The following CASKIN2 variants were observed in gnomAD, a reference collection of about 807,000 sequenced individuals.
The protein encoded by CASKIN2 is caskin-2.
Under a neutral mutation model 107.1 loss-of-function variants are expected in CASKIN2, and 41 were observed. The ratio of observed to expected loss-of-function variants is 0.38; its 90% CI spans 0.30 to 0.50. The LOEUF (loss-of-function observed/expected upper bound fraction) is 0.50, where lower values mean the gene tolerates loss of function less well. Among genes scored for constraint, CASKIN2 ranks in the 20% least tolerant of loss-of-function variants. The probability of loss-of-function intolerance (pLI) is 0.92; values close to 1 mark genes in which losing one functional copy is unlikely to be tolerated. For synonymous variants in CASKIN2, 724 were observed against 705.6 expected (o/e 1.03, Z -0.41); for missense variants, 1,546 against 1,657.4 (o/e 0.93, Z 1.17).
rs529146648 is a variant in CASKIN2, at chr17:75,506,492, C to T, written c.618-79G>A. ...TGCTGGGGGCCTGGGAGATGGAGAGCCCGGGTGAAAAGGGCAGTGGGGGAG... is the reference window on the plus strand; with the variant it reads ...TGCTGGGGGCCTGGGAGATGGAGAGTCCGGGTGAAAAGGGCAGTGGGGGAG... On this transcript the variant is annotated intron_variant, in intron 7 of 19. Coordinates refer to ENST00000321617, the MANE Select transcript of CASKIN2 (RefSeq NM_020753.5). This position sits in a 1 kb window ranked among gnomAD's most constrained non-coding sequence, Gnocchi z 4.8. The T allele has an allele frequency of 6.3e-6, 10 of 1,591,388 alleles. No homozygotes were observed. The East Asian group carries it at 2.2e-4, about 36-fold the overall frequency.
rs143966283 is a variant in CASKIN2, at chr17:75,503,900, A to G, written c.1530T>C (p.Phe510=). The change falls in exon 15 of 20, where the codon TTT becomes TTC. Residue 510 remains phenylalanine, a synonymous_variant. Coordinates refer to ENST00000321617, the MANE Select transcript of CASKIN2 (RefSeq NM_020753.5). ...TAGGCACATCATAGCCGGCCTGCAG[A>G]AAGTGGGCAGTGTAGCCCTCCAGCT... The part of the protein sequence containing the change: ...EFQLEGYTAH[F]LQAGYDVPTI... 6.8e-5 allele frequency: 110 copies of G among 1,612,830 alleles called. No individual in the cohort carries two copies. The African/African-American group carries it at 1.1e-3, about 15-fold the overall frequency.
chr17:75,503,881 C>A lies in CASKIN2; in HGVS notation c.1549G>T (p.Val517Leu), dbSNP rs760122361. The A allele has an allele frequency of 1.6e-5, 25 of 1,612,684 alleles. No homozygotes were observed. In the South Asian group the frequency reaches 2.7e-4, roughly 18 times the overall value. The part of the protein sequence containing the change: ...TAHFLQAGYD[V>L]PTISRMTPED... Reference sequence around the variant, plus strand: ...GGTGTCATGCGGCTGATGGTAGGCACATCATAGCCGGCCTGCAGAAAGTGG... The same window carrying A: ...GGTGTCATGCGGCTGATGGTAGGCAAATCATAGCCGGCCTGCAGAAAGTGG... Residue 517 changes from valine (V) to leucine (L), a missense_variant, in exon 15 of 20, where the codon GTG becomes TTG. This residue lies in a region of CASKIN2 where 1,311 missense variants were observed against 1,311.0 expected (regional missense o/e 1.00). Transcript: ENST00000321617.
chr17:75,506,732 A>G lies in CASKIN2; in HGVS notation c.487-19T>C. ...GGGCCACCTGCAGCACCCAGTGCCC[A>G]GTTAGAGCCTCCTCCTGAGACCCTG... On this transcript the variant is annotated intron_variant, in intron 6 of 19. Coordinates refer to ENST00000321617, the MANE Select transcript of CASKIN2 (RefSeq NM_020753.5). This position sits in a 1 kb window ranked among gnomAD's most constrained non-coding sequence, Gnocchi z 4.8. The G allele has an allele frequency of 6.2e-7, 1 of 1,613,606 alleles. No homozygotes were observed. The highest frequency in any genetic ancestry group is 8.5e-7 in the Non-Finnish European group (1 of 1,179,956).
In CASKIN2 at chr17:75,500,501, A is replaced by G. The variant is rs2053160114; in HGVS notation, c.*579T>C. ...TAACATTTACAATTGAAAAGTTAGG[A>G]CTTGTGGGATCTGTTAACCCCACTG... On this transcript the variant is annotated 3_prime_UTR_variant, in exon 20 of 20. Coordinates refer to ENST00000321617, the MANE Select transcript of CASKIN2 (RefSeq NM_020753.5). The G allele has an allele frequency of 6.5e-6, 1 of 153,924 alleles. No individual in the cohort carries two copies. Among genetic ancestry groups the G allele is most frequent in the Admixed American group, 6.4e-5 (1 of 15,688 alleles). 9.5% of individuals were successfully genotyped at this position (153,924 alleles called of 1,614,324 possible). A position where few individuals can be genotyped will look rare whatever the true frequency, so the allele number is the denominator to read the frequency against.
At chr17:75,501,333 A>G (rs1156681732) in intron 19 of CASKIN2, 135 bp downstream of exon 19, 2 of 1,207,688 alleles carry the variant, frequency 1.7e-6, no homozygotes, top group Admixed American at 4.3e-5. Flanking sequence ...GATCTAGGTG[A>G]TTTCAACACC....
chr17:75,509,781 T>G, intron 2 of CASKIN2: 1 of 985,566 alleles, frequency 1.0e-6, no homozygotes, highest in Non-Finnish European at 1.2e-6. Flanking sequence ...CAGAGCACCC[T>G]TCAAGCTGCC....
chr17:75,501,244 C>T, intron 19 of CASKIN2, 74 bp from the exon 20 acceptor site: 1 of 1,382,016 alleles, frequency 7.2e-7, no homozygotes, highest in Non-Finnish European at 9.9e-7. Context: ...AGGGAGCTGT[C>T]ATAGCTCCCA....
chr17:75,505,977 C>T lies in CASKIN2; in HGVS notation c.727-48G>A. 1 of 1,513,434 alleles carries T rather than the reference C, an allele frequency of 6.6e-7. No homozygotes were observed. 93.8% of individuals were successfully genotyped at this position (1,513,434 alleles called of 1,614,324 possible). A position where few individuals can be genotyped will look rare whatever the true frequency, so the allele number is the denominator to read the frequency against. On this transcript the variant is annotated intron_variant, in intron 8 of 19. Transcript: ENST00000321617. This position sits in a 1 kb window ranked among gnomAD's most constrained non-coding sequence, Gnocchi z 5.1. ...GCACACGCTAAGCACTTTGACACCC[C>T]TCACCCGATTCTCTCAGCTACCCGG...
chr17:75,505,691 C>T lies in CASKIN2; in HGVS notation c.836-40G>A. On this transcript the variant is annotated intron_variant, in intron 9 of 19. Coordinates refer to ENST00000321617, the MANE Select transcript of CASKIN2 (RefSeq NM_020753.5). The surrounding 1 kb of genome is among the most constrained non-coding windows in gnomAD (Gnocchi z 5.1). ...TGGGGGACAGGTGTCATCTAAGGGT[C>T]CTTAGGGCATCTTCCCACCCCTCAT... 6.3e-7 allele frequency: 1 copy of T among 1,588,358 alleles called. No individual in the cohort carries two copies. Among genetic ancestry groups the T allele is most frequent in the Non-Finnish European group, 8.6e-7 (1 of 1,160,214 alleles).
chr17:75,503,051 C>A lies in CASKIN2; in HGVS notation c.2023G>T (p.Glu675Ter). The A allele has an allele frequency of 6.2e-7, 1 of 1,607,268 alleles. No individual in the cohort carries two copies. The part of the protein sequence containing the change: ...LTFQGSELSP[E>*]LQAAMAGGGP... Reference sequence around the variant, plus strand: ...CCCCCTGCCATGGCCGCCTGTAGCTCTGGGCTTAGTTCGCTGCCCTGGAAG... The same window carrying A: ...CCCCCTGCCATGGCCGCCTGTAGCTATGGGCTTAGTTCGCTGCCCTGGAAG... The change falls in exon 18 of 20, where the codon GAG becomes TAG. Residue 675 changes from glutamate to a stop codon, truncating the protein, a stop_gained. Coordinates refer to ENST00000321617, the MANE Select transcript of CASKIN2 (RefSeq NM_020753.5). LOFTEE classifies it high-confidence loss of function.
In CASKIN2 at chr17:75,503,414, C is replaced by T. The variant is rs768772700; in HGVS notation, c.1794G>A (p.Leu598=). The change falls in exon 17 of 20, where the codon CTG becomes CTA. Residue 598 remains leucine, a synonymous_variant. Transcript: ENST00000321617. The part of the protein sequence containing the change: ...GLVADLTWEE[L]QEIGVNKLGH... ...CGAGCTTGTTGACCCCAATCTCCTG[C>T]AGCTCCTCCCAGGTGAGGTCGGCCA... 15 of 1,612,740 alleles carry T rather than the reference C, an allele frequency of 9.3e-6. No individual in the cohort carries two copies. In the South Asian group the frequency reaches 1.5e-4, roughly 17 times the overall value.
In CASKIN2 at chr17:75,507,874, C is replaced by T. The variant is rs543196557; in HGVS notation, c.147-193G>A. The T allele has an allele frequency of 6.0e-5, 35 of 585,076 alleles. No individual in the cohort carries two copies. The East Asian group carries it at 9.5e-4, about 16-fold the overall frequency. The allele number at this position is 585,076 out of a possible 1,614,324, so 36.2% of individuals were successfully genotyped here. The stretch of plus-strand genomic sequence containing the variant: ...AGGGCTCAGTGTCTGCACTGAGAGG[C>T]CCGTTTGTCTCGCCCCCCCGCCTCC... On this transcript the variant is annotated intron_variant, in intron 3 of 19. Transcript: ENST00000321617.
intron 2 of CASKIN2, 112 bp from the exon 3 acceptor site, chr17:75,508,397 G>A (rs1056505404): frequency 8.6e-7 from 1 of 1,167,130 alleles, no homozygotes; most frequent in East Asian, 2.6e-5. Context: ...GAAAGCACCT[G>A]CCCCATGGCC....
rs567553283 is a variant in CASKIN2 at position 75,506,353 on chromosome 17, G to A, written c.678C>T (p.His226=). The change falls in exon 8 of 20, where the codon CAC becomes CAT. Residue 226 remains histidine (H), a synonymous_variant. Transcript: ENST00000321617. This position sits in a 1 kb window ranked among gnomAD's most constrained non-coding sequence, Gnocchi z 4.8. ...CGGTCTTGCCATACAGTGCGGCCTCGTGGAGCGCCGTACCCGTCTTGGTCT... is the reference window on the plus strand; with the variant it reads ...CGGTCTTGCCATACAGTGCGGCCTCATGGAGCGCCGTACCCGTCTTGGTCT... ...NRQTKTGTAL[H]EAALYGKTEV... is the part of the protein sequence containing the mutation. 15 of 1,611,970 alleles carry A rather than the reference G, an allele frequency of 9.3e-6. No individual in the cohort carries two copies. Among genetic ancestry groups the A allele is most frequent in the African/African-American group, 5.3e-5 (4 of 74,996 alleles).
rs1567996419 is a variant in CASKIN2 at position 75,507,270 on chromosome 17, TAGG to T, written c.245-144_245-142del. On this transcript the variant is annotated intron_variant, in intron 4 of 19. Transcript: ENST00000321617. The stretch of plus-strand genomic sequence containing the variant: ...AATGCTGGCTCTATCCAGGTGTGCT[TAGG>T]AAGAGGTTCGGCTCGACAGGGCTGA... 4.9e-6 allele frequency: 5 copies of T among 1,021,096 alleles called. No individual in the cohort carries two copies. The Admixed American group carries it at 1.4e-4, about 29-fold the overall frequency. The allele number at this position is 1,021,096 out of a possible 1,614,324, so 63.3% of individuals were successfully genotyped here.
Position 75,506,487 on chromosome 17 carries a change from G to A in CASKIN2, c.618-74C>T. 6.3e-7 allele frequency: 1 copy of A among 1,588,344 alleles called. No homozygotes were observed. Among genetic ancestry groups the A allele is most frequent in the Non-Finnish European group, 8.6e-7 (1 of 1,165,082 alleles). On this transcript the variant is annotated intron_variant, in intron 7 of 19. Transcript: ENST00000321617. This position sits in a 1 kb window ranked among gnomAD's most constrained non-coding sequence, Gnocchi z 4.8. ...CTGACTGCTGGGGGCCTGGGAGATG[G>A]AGAGCCCGGGTGAAAAGGGCAGTGG...
chr17:75,507,663 G>A lies in CASKIN2; in HGVS notation c.165C>T (p.His55=), dbSNP rs200122350. 9 of 1,612,678 alleles carry A rather than the reference G, an allele frequency of 5.6e-6. No homozygotes were observed. The East Asian group carries it at 6.7e-5, about 12-fold the overall frequency. The change falls in exon 4 of 20, where the codon CAC becomes CAT. Residue 55 remains histidine, a synonymous_variant. Transcript: ENST00000321617. ...GCTCCAGGCTGCCCCCCAAAGCAGCGTGGTGGAGGGCAGAGAATCTGATGT... is the reference window on the plus strand; with the variant it reads ...GCTCCAGGCTGCCCCCCAAAGCAGCATGGTGGAGGGCAGAGAATCTGATGT... The part of the protein sequence containing the change: ...QDADGFSALH[H]AALGGSLELI...
At position 75,505,495 on chromosome 17, in the gene CASKIN2, G is replaced by A. The variant is rs1200489500; in HGVS notation, c.930+62C>T. On this transcript the variant is annotated intron_variant, in intron 10 of 19. Coordinates refer to ENST00000321617, the MANE Select transcript of CASKIN2 (RefSeq NM_020753.5). The surrounding 1 kb of genome is among the most constrained non-coding windows in gnomAD (Gnocchi z 5.1). The stretch of plus-strand genomic sequence containing the variant: ...AGCAGAACGTGGTAACATAGCAGGT[G>A]CCCAAATAAGTAACAGCAATCATTT... The A allele has an allele frequency of 5.4e-6, 8 of 1,491,256 alleles. No individual in the cohort carries two copies. Among genetic ancestry groups the A allele is most frequent in the Non-Finnish European group, 7.5e-6 (8 of 1,069,480 alleles). 92.4% of individuals were successfully genotyped at this position (1,491,256 alleles called of 1,614,324 possible).
At position 75,505,595 on chromosome 17, in the gene CASKIN2, G is replaced by A; in HGVS notation, c.892C>T (p.Pro298Ser). 1.2e-6 allele frequency: 2 copies of A among 1,613,600 alleles called. No homozygotes were observed. Among genetic ancestry groups the A allele is most frequent in the South Asian group, 1.1e-5 (1 of 91,084 alleles). ...ALKDFWNLHD[P>S]TALNVRAGDV... ...CCTGCCCGGACATTGAGAGCAGTGGGATCGTGGAGGTTCCAGAAATCCTTG... is the reference window on the plus strand; with the variant it reads ...CCTGCCCGGACATTGAGAGCAGTGGAATCGTGGAGGTTCCAGAAATCCTTG... Residue 298 changes from proline (P) to serine (S), a missense_variant, in exon 10 of 20, where the codon CCC becomes TCC. Transcript: ENST00000321617. This position sits in a 1 kb window ranked among gnomAD's most constrained non-coding sequence, Gnocchi z 5.1.
Sources: allele counts gnomAD v4.1 joint callset, GRCh38; gene constraint gnomAD v4.1.1; regional missense constraint gnomAD v4.1.1; non-coding constraint Gnocchi (gnomAD v3.1); transcripts MANE v1.5; gene names NCBI Gene and HGNC (gene_info 2026-07-23, HGNC 2026-07-21).